Variants in APOB observed in about 807,000 individuals in gnomAD.
APOB encodes the protein apolipoprotein B.
A neutral mutation model predicts 314.1 loss-of-function variants in APOB; 153 were observed. That is an observed-to-expected ratio of 0.49 (90% CI 0.43 to 0.56). The LOEUF is 0.56. Among genes scored for constraint, APOB ranks in the 20% least tolerant of loss-of-function variants. The pLI, the probability that APOB is intolerant of heterozygous loss-of-function variation, is 0.00. For missense variants in APOB, 5,430 were observed against 5,350.7 expected (o/e 1.01, Z -0.46); for synonymous variants, 2,087 against 2,036.4 (o/e 1.02, Z -0.67).
intron 15 of APOB, 43 bp from the exon 16 acceptor site, chr2:21,025,167 G>T: frequency 6.3e-7 from 1 of 1,586,170 alleles, no homozygotes; most frequent in Middle Eastern, 1.7e-4. Flanking sequence ...TGTCAGCAAT[G>T]TCAAACACCT....
intron 28 of APOB, 65 bp downstream of exon 28, chr2:21,004,204 T>G: frequency 1.3e-6 from 2 of 1,564,652 alleles, no homozygotes; most frequent in Non-Finnish European, 1.8e-6. Context: ...GGTCCTGAAT[T>G]AAATGTATCT....
chr2:21,010,896 T>C lies in APOB; in HGVS notation c.5972A>G (p.Glu1991Gly), dbSNP rs1195619833. The change falls in exon 26 of 29, where the codon GAA becomes GGA. Residue 1991 changes from glutamate (E) to glycine (G), a missense_variant. Physicochemically the swap from Glu to Gly is moderately conservative, Grantham distance 98. Coordinates refer to ENST00000233242, the MANE Select transcript of APOB (RefSeq NM_000384.3). ...GTAAGCATCCAAGTCCTGGCTGTATTCATTGTTGTTAAATTGGGTCTTGAG... is the reference window on the plus strand; with the variant it reads ...GTAAGCATCCAAGTCCTGGCTGTATCCATTGTTGTTAAATTGGGTCTTGAG... Reference protein sequence around the residue: ...WKLKTQFNNNEYSQDLDAYNT... With the variant: ...WKLKTQFNNNGYSQDLDAYNT... The C allele has an allele frequency of 1.2e-6, 2 of 1,614,020 alleles. No individual in the cohort carries two copies. Among genetic ancestry groups the C allele is most frequent in the African/African-American group, 2.7e-5 (2 of 74,914 alleles).
At chr2:21,013,018 T>C (rs1388792641) in intron 25 of APOB, 142 bp downstream of exon 25, 26 of 987,204 alleles carry the variant, frequency 2.6e-5, no homozygotes, top group Middle Eastern at 3.3e-4. Context: ...TATTTCTATT[T>C]GTTGAATAAA....
rs766882873 is a variant in APOB, at chr2:21,008,111, T to C, written c.8757A>G (p.Ile2919Met). 1.9e-6 allele frequency: 3 copies of C among 1,613,954 alleles called. No individual in the cohort carries two copies. The highest frequency in any genetic ancestry group is 3.3e-5 in the Admixed American group (2 of 60,002). The change falls in exon 26 of 29, where the codon ATA (isoleucine) becomes ATG (methionine). Residue 2919 changes from isoleucine (I) to methionine (M), a missense_variant. Physicochemically the swap from Ile to Met is conservative, Grantham distance 10 (BLOSUM62 1). This residue lies in a region of APOB where 3,281 missense variants were observed against 3,171.0 expected (regional missense o/e 1.03). Coordinates refer to ENST00000233242, the MANE Select transcript of APOB (RefSeq NM_000384.3). The part of the protein sequence containing the change: ...EIKTLLKAGH[I>M]AWTSSGKGSW... ...ACCCTTTTCCAGAAGAAGTCCATGC[T>C]ATGTGGCCAGCTTTCAACAGTGTCT...
In APOB at chr2:21,009,647, T is replaced by C; in HGVS notation, c.7221A>G (p.Leu2407=). ...CATCTTCAATGAATGTTTTAAAAGA[T>C]AATTCATTAAGCTTCTTGACAGCAT... ...IDDAVKKLNE[L]SFKTFIEDVN... Residue 2407 remains leucine, a synonymous_variant, in exon 26 of 29, where the codon TTA becomes TTG. Transcript: ENST00000233242. The C allele has an allele frequency of 6.2e-7, 1 of 1,613,532 alleles. No individual in the cohort carries two copies. Among genetic ancestry groups the C allele is most frequent in the Non-Finnish European group, 8.5e-7 (1 of 1,179,660 alleles).
chr2:21,025,560 A>C (rs1663708276), intron 15 of APOB, among the ~76,000 whole-genome samples: 1 of 152,154 alleles, frequency 6.6e-6, no homozygotes, highest in African/African-American at 2.4e-5. Context: ...GATCCTAGAC[A>C]AGTTCTTCTC....
chr2:21,039,179 T>C (rs1402567876), intron 4 of APOB, among the ~76,000 whole-genome samples: 2 of 152,266 alleles, frequency 1.3e-5, no homozygotes, highest in East Asian at 1.9e-4. Flanking sequence ...AGATATTGCC[T>C]GATGGCTCTC....
intron 6 of APOB, 30 bp downstream of exon 6, chr2:21,037,070 T>C: frequency 6.2e-7 from 1 of 1,613,968 alleles, no homozygotes; most frequent in South Asian, 1.1e-5. Context: ...TGCTCCTTGC[T>C]GTGCACGACA....
intron 18 of APOB, among the ~76,000 whole-genome samples, chr2:21,022,140 T>G (rs562234661): frequency 6.6e-6 from 1 of 152,008 alleles, no homozygotes; most frequent in African/African-American, 2.4e-5. Context: ...ATTTATTTAA[T>G]TTTTTTTGTA....
At chr2:21,020,007 C>G in intron 18 of APOB, 102 bp from the exon 19 acceptor site, 2 of 1,012,308 alleles carry the variant, frequency 2.0e-6, no homozygotes, top group Non-Finnish European at 1.6e-6. Flanking sequence ...CCTGTCTTCC[C>G]TCAGTCCACA....
rs1663011038 is a variant in APOB at position 21,002,465 on chromosome 2, C to T, written c.12957G>A (p.Glu4319=). Residue 4319 remains glutamate (E), a synonymous_variant, in exon 29 of 29, where the codon GAG becomes GAA. Coordinates refer to ENST00000233242, the MANE Select transcript of APOB (RefSeq NM_000384.3). ...AATTAATAAGATAAGTAAATTTCAT[C>T]TCTTTCAGCTGTTTAATGTTATCTT... ...LIEDNIKQLK[E]MKFTYLINYI... 2 of 1,606,688 alleles carry T rather than the reference C, an allele frequency of 1.2e-6. No individual in the cohort carries two copies. The highest frequency in any genetic ancestry group is 1.3e-5 in the African/African-American group (1 of 74,522).
Position 21,005,278 on chromosome 2 carries a change from T to C in APOB, c.11590A>G (p.Ile3864Val). 1 of 1,610,928 alleles carries C rather than the reference T, an allele frequency of 6.2e-7. No individual in the cohort carries two copies. The highest frequency in any genetic ancestry group is 8.5e-7 in the Non-Finnish European group (1 of 1,177,122). The stretch of plus-strand genomic sequence containing the variant: ...GGTACAGAGAACTTAATGGAGGGAA[T>C]CTCAATGGTCTGCTCAGGCACGATG... ...TIIVPEQTIEIPSIKFSVPAG... is the reference protein window; with the variant it reads ...TIIVPEQTIEVPSIKFSVPAG... Residue 3864 changes from isoleucine to valine, a missense_variant, in exon 26 of 29, where the codon ATT becomes GTT. Ile to Val is a conservative substitution (Grantham distance 29). Transcript: ENST00000233242.
intron 1 of APOB, 51 bp downstream of exon 1, chr2:21,043,813 C>G (rs979658374): frequency 1.3e-6 from 2 of 1,531,112 alleles, no homozygotes; most frequent in African/African-American, 1.4e-5. Context: ...AACCTCGTGC[C>G]GCCGGCTCCC....
In APOB at chr2:21,007,411, A is replaced by T. The variant is rs761484953; in HGVS notation, c.9457T>A (p.Trp3153Arg). 6 of 1,613,830 alleles carry T rather than the reference A, an allele frequency of 3.7e-6. No homozygotes were observed. Among genetic ancestry groups the T allele is most frequent in the Non-Finnish European group, 5.1e-6 (6 of 1,179,928 alleles). Residue 3153 changes from tryptophan (W) to arginine (R), a missense_variant, in exon 26 of 29, where the codon TGG (tryptophan) becomes AGG (arginine). Trp to Arg is a moderately radical substitution (Grantham distance 101). Transcript: ENST00000233242. ...TTPPLKDFSL[W>R]EKTGLKEFLK... ...AATTCCTTCAAGCCTGTTTTTTCCC[A>T]TAGAGAGAAATCTTTCAGTGGAGGA... is the stretch of plus-strand genomic sequence containing the variant.
Position 21,004,287 on chromosome 2 carries a change from G to C in APOB, c.12069C>G (p.Asn4023Lys). The change falls in exon 28 of 29, where the codon AAC becomes AAG. Residue 4023 changes from asparagine (N) to lysine (K), a missense_variant. By Grantham distance (94) the Asn-to-Lys change is moderately conservative. Transcript: ENST00000233242. ...MDEDDDFSKWNFYYSPQSSPD... is the reference protein window; with the variant it reads ...MDEDDDFSKWKFYYSPQSSPD... Reference sequence around the variant, plus strand: ...TATTTACCTGAGGGCTGTAGTAGAAGTTCCATTTAGAAAAGTCGTCATCTT... The same window carrying C: ...TATTTACCTGAGGGCTGTAGTAGAACTTCCATTTAGAAAAGTCGTCATCTT... The C allele has an allele frequency of 1.2e-6, 2 of 1,613,946 alleles. No individual in the cohort carries two copies. The highest frequency in any genetic ancestry group is 1.7e-6 in the Non-Finnish European group (2 of 1,179,872).
At chr2:21,021,526 C>T (rs1245103223) in intron 18 of APOB, among the ~76,000 whole-genome samples, 3 of 152,206 alleles carry the variant, frequency 2.0e-5, no homozygotes, top group Non-Finnish European at 4.4e-5. Context: ...TCAAAAGAGT[C>T]CAAACTCCTT....
Position 21,010,327 on chromosome 2 carries a change from A to G in APOB, c.6541T>C (p.Phe2181Leu). Reference sequence around the variant, plus strand: ...TAACTATCTTTAATATACTGATCAAATTGTATCATATATGTCTGCAGTTGA... The same window carrying G: ...TAACTATCTTTAATATACTGATCAAGTTGTATCATATATGTCTGCAGTTGA... ...LSQLQTYMIQ[F>L]DQYIKDSYDL... Residue 2181 changes from phenylalanine to leucine, a missense_variant, in exon 26 of 29, where the codon TTT becomes CTT. Physicochemically the swap from Phe to Leu is conservative, Grantham distance 22 (BLOSUM62 0). Coordinates refer to ENST00000233242, the MANE Select transcript of APOB (RefSeq NM_000384.3). The G allele has an allele frequency of 6.4e-7, 1 of 1,556,522 alleles. No homozygotes were observed. The highest frequency in any genetic ancestry group is 8.7e-7 in the Non-Finnish European group (1 of 1,152,078).
At chr2:21,041,117 T>C (rs1324255035) in intron 3 of APOB, 34 bp from the exon 4 acceptor site, 1 of 1,604,102 alleles carries the variant, frequency 6.2e-7, no homozygotes, top group African/African-American at 1.3e-5. Flanking sequence ...ATTGAGGTTG[T>C]CTATCAAGAA....
intron 4 of APOB, among the ~76,000 whole-genome samples, chr2:21,038,912 A>T (rs897785456): frequency 2.0e-5 from 3 of 152,232 alleles, no homozygotes; most frequent in Non-Finnish European, 4.4e-5. Flanking sequence ...GTCACTTGGT[A>T]CAGCTCTAAC....
Sources: allele counts gnomAD v4.1 joint callset (sites outside exome capture counted in the v4.1 genomes callset), GRCh38; gene constraint gnomAD v4.1.1; regional missense constraint gnomAD v4.1.1; transcripts MANE v1.5; gene names NCBI Gene and HGNC (gene_info 2026-07-23, HGNC 2026-07-21).